MACF1: variants seen among roughly 807,000 people sequenced by gnomAD.
The protein encoded by MACF1 is microtubule-actin cross-linking factor 1.
In MACF1, 193 loss-of-function variants were observed where a neutral mutation model predicts 854.8. That is an observed-to-expected ratio of 0.23 (90% CI 0.20 to 0.25). The LOEUF is 0.25. Ranked by LOEUF, MACF1 falls within the 10% of genes least tolerant of loss-of-function variation. MACF1 has a pLI of 1.00. For missense variants in MACF1, 7,722 were observed against 8,929.1 expected, an observed-to-expected ratio of 0.86 and a Z score of 5.45; for synonymous variants, 3,185 against 3,226.7, an observed-to-expected ratio of 0.99 and a Z score of 0.44.
rs747824803 is a variant in MACF1, at chr1:39,347,094, C to G, written c.10699C>G (p.Leu3567Val). Residue 3567 changes from leucine to valine, a missense_variant, in exon 41 of 101, where the codon CTG becomes GTG. Around this residue, in one of 15 missense-constraint regions of MACF1, gnomAD observed 854 missense variants for 852.6 expected, o/e 1.00. Transcript: ENST00000564288. ...DLSPQQNRQM[L>V]RLLNELQRSF... ...GTCCCCTCAGCAGAATCGACAGATG[C>G]TGAGGCTTCTGAATGAACTGCAGAG... 1 of 1,613,894 alleles carries G rather than the reference C, an allele frequency of 6.2e-7. No homozygotes were observed. The highest frequency in any genetic ancestry group is 8.5e-7 in the Non-Finnish European group (1 of 1,179,862).
rs1031147293 is a variant in MACF1, at chr1:39,469,404, A to G, written c.21890-143A>G. ...TCCAATTGCTAAATCCTCTTCAGCT[A>G]TGTCCTTGCCTTTTTCCTGTTAGCA... is the stretch of plus-strand genomic sequence containing the variant. On this transcript the variant is annotated intron_variant, in intron 96 of 100. Transcript: ENST00000564288. 5 of 667,148 alleles carry G rather than the reference A, an allele frequency of 7.5e-6. 1 individual carries two copies. Among genetic ancestry groups the G allele is most frequent in the African/African-American group, 5.4e-5 (3 of 55,566 alleles). 41.3% of individuals were successfully genotyped at this position (667,148 alleles called of 1,614,324 possible).
chr1:39,231,900 T>A (rs1006797748), intron 2 of MACF1, among the ~76,000 whole-genome samples: 1 of 151,876 alleles, frequency 6.6e-6, no homozygotes, highest in East Asian at 1.9e-4. Flanking sequence ...GGATTTTCTC[T>A]CTTTCTCTTA....
chr1:39,378,362 A>T, intron 52 of MACF1, 99 bp from the exon 53 acceptor site: 1 of 789,194 alleles, frequency 1.3e-6, no homozygotes, highest in Non-Finnish European at 2.3e-6. Flanking sequence ...ACTTCCTGAT[A>T]CCTAAGCTTA....
intron 58 of MACF1, among the ~76,000 whole-genome samples, chr1:39,394,077 G>T (rs1158974268): frequency 6.6e-6 from 1 of 152,100 alleles, no homozygotes; most frequent in Non-Finnish European, 1.5e-5. Context: ...GGGCTGCTGG[G>T]TTCTAATAGG....
chr1:39,337,435 T>C, intron 38 of MACF1, 104 bp downstream of exon 38: 5 of 1,132,104 alleles, frequency 4.4e-6, no homozygotes, highest in Non-Finnish European at 4.9e-6. Context: ...CACTCTATTC[T>C]AGGGTAAACA....
In MACF1 at chr1:39,105,524, G is replaced by T. The variant is rs1642206359; in HGVS notation, c.220+21086G>T. 1 of 1,024,398 alleles carries T rather than the reference G, an allele frequency of 9.8e-7. No individual in the cohort carries two copies. The highest frequency in any genetic ancestry group is 6.1e-5 in the Admixed American group (1 of 16,382). 63.5% of individuals were successfully genotyped at this position (1,024,398 alleles called of 1,614,324 possible). ...GAGCGAGGGCGCCGTCGCCGTCTCT[G>T]AGACGCACAAAGGGTCGAGGCTGGG... On this transcript the variant is annotated intron_variant, in intron 2 of 93. Transcript: ENST00000361689. The surrounding 1 kb of genome is among the most constrained non-coding windows in gnomAD (Gnocchi z 5.9).
intron 44 of MACF1, among the ~76,000 whole-genome samples, 155 bp downstream of exon 44, chr1:39,353,386 GA>G (rs1647264049): frequency 6.6e-6 from 1 of 152,118 alleles, no homozygotes; most frequent in African/African-American, 2.4e-5. Flanking sequence ...CACTCCTCTT[GA>G]AATACTTTCT....
At chr1:39,464,953 C>A in intron 94 of MACF1, 142 bp from the exon 95 acceptor site, 2 of 753,006 alleles carry the variant, frequency 2.7e-6, no homozygotes, top group Non-Finnish European at 2.3e-6. Context: ...GTGGCAGGAG[C>A]TTGGTAAGAA....
Position 39,317,204 on chromosome 1 carries a change from GT to G in MACF1, c.3589-7del, listed in dbSNP as rs1179424254. ...GTATACAACCTGTTTCTGTACTTAT[GT>G]TTCCACAGCACTGGCTTAGTGATGT... On this transcript the variant is annotated splice_polypyrimidine_tract_variant and intron_variant, in intron 28 of 100. Coordinates refer to ENST00000564288, the MANE Select transcript of MACF1 (RefSeq NM_001394062.1). 6.2e-7 allele frequency: 1 copy of G among 1,612,438 alleles called. No individual in the cohort carries two copies.
chr1:39,209,580 A>C (rs1162946086), intron 1 of MACF1, among the ~76,000 whole-genome samples: 2 of 152,164 alleles, frequency 1.3e-5, no homozygotes, highest in East Asian at 1.9e-4. Context: ...TAATCCCTGG[A>C]TCCAAACTAT....
chr1:39,411,312 G>C, intron 58 of MACF1: 2 of 1,614,066 alleles, frequency 1.2e-6, no homozygotes, highest in Non-Finnish European at 1.7e-6. Flanking sequence ...AGACTTTTCT[G>C]ATGGCAGATG....
At chr1:39,263,619 C>A (rs996921078) in intron 6 of MACF1, among the ~76,000 whole-genome samples, 10 of 151,994 alleles carry the variant, frequency 6.6e-5, no homozygotes, top group Admixed American at 6.6e-4. Flanking sequence ...AAATATTATC[C>A]TAAAGTTGAT....
At chr1:39,399,915 C>G (rs1022484692) in intron 58 of MACF1, among the ~76,000 whole-genome samples, 6 of 152,188 alleles carry the variant, frequency 3.9e-5, no homozygotes, top group African/African-American at 1.2e-4. Context: ...CTTTATTTCT[C>G]ATAAGCCATG....
chr1:39,324,621 TTTTCTC>T lies in MACF1; in HGVS notation c.4390-21_4390-16del. 1 of 1,569,932 alleles carries T rather than the reference TTTTCTC, an allele frequency of 6.4e-7. No individual in the cohort carries two copies. Among genetic ancestry groups the T allele is most frequent in the Non-Finnish European group, 8.6e-7 (1 of 1,157,268 alleles). ...CTCTTAATTCTTGGGTTTTGAAGCT[TTTTCTC>T]TTTATTTCTACCATGTAGGTTCTGT... On this transcript the variant is annotated intron_variant, in intron 34 of 100. Transcript: ENST00000564288.
At chr1:39,444,228 A>C (rs532356073) in intron 79 of MACF1, among the ~76,000 whole-genome samples, 6 of 152,040 alleles carry the variant, frequency 3.9e-5, no homozygotes, top group African/African-American at 1.4e-4. Context: ...CCAGCTACTC[A>C]GGAGGCTGAG....
intron 6 of MACF1, among the ~76,000 whole-genome samples, chr1:39,259,518 TCC>T (rs1645134394): frequency 6.6e-6 from 1 of 152,236 alleles, no homozygotes; most frequent in African/African-American, 2.4e-5. Flanking sequence ...CACCTCGGTC[TCC>T]CAAAGTGTTG....
intron 2 of MACF1, among the ~76,000 whole-genome samples, chr1:39,243,803 A>G (rs1358963346): frequency 6.6e-6 from 1 of 152,162 alleles, no homozygotes; most frequent in Non-Finnish European, 1.5e-5. Context: ...GGATTTTAGG[A>G]TGGATAGATC....
At position 39,105,752 on chromosome 1, in the gene MACF1, G is replaced by A; in HGVS notation, c.220+21314G>A. 9.1e-7 allele frequency: 1 copy of A among 1,102,206 alleles called. No homozygotes were observed. The highest frequency in any genetic ancestry group is 1.1e-6 in the Non-Finnish European group (1 of 888,972). 68.3% of individuals were successfully genotyped at this position (1,102,206 alleles called of 1,614,324 possible). On this transcript the variant is annotated intron_variant, in intron 2 of 93. Coordinates refer to the MACF1 transcript ENST00000361689. The surrounding 1 kb of genome is among the most constrained non-coding windows in gnomAD (Gnocchi z 5.9). ...GGGACTGGCCGGCGCTGAGGCCCGCGGGCCGGCGCAGCGTGGCCTTCGGAG... is the reference window on the plus strand; with the variant it reads ...GGGACTGGCCGGCGCTGAGGCCCGCAGGCCGGCGCAGCGTGGCCTTCGGAG...
chr1:39,328,338 T>A (rs943637635), intron 36 of MACF1: 2 of 151,950 alleles, frequency 1.3e-5, no homozygotes, highest in African/African-American at 4.8e-5. Flanking sequence ...AATTGCTTGC[T>A]GAGAACATCC....
Sources: gnomAD v4.1 joint callset for allele counts (sites outside exome capture counted in the v4.1 genomes callset) on GRCh38, gnomAD v4.1.1 for gene constraint, gnomAD v4.1.1 regional missense constraint, Gnocchi (gnomAD v3.1) non-coding constraint, MANE v1.5 for transcripts, NCBI Gene and HGNC (gene_info 2026-07-23, HGNC 2026-07-21) for gene names.